The following PAG1 variants were observed in gnomAD, a reference collection of about 807,000 sequenced individuals.
PAG1 encodes the protein phosphoprotein membrane anchor with glycosphingolipid microdomains 1.
In PAG1, 23 loss-of-function variants were observed where a neutral mutation model predicts 31.7. The observed-to-expected ratio is 0.73, with a 90% confidence interval of 0.52 to 1.03. PAG1 has a LOEUF of 1.03. PAG1 is among the 50% of genes least tolerant of loss of function. PAG1 has a pLI of 0.00. For synonymous variants in PAG1, 214 were observed against 210.3 expected (o/e 1.02, Z -0.15); for missense variants, 473 against 540.7 (o/e 0.87, Z 1.24).
chr8:80,986,231 C>A (rs761935642), intron 6 of PAG1, among the ~76,000 whole-genome samples: 2 of 152,134 alleles, frequency 1.3e-5, no homozygotes, highest in Admixed American at 1.3e-4. Context: ...TCCCCCAATC[C>A]TTCTGAACTT....
At chr8:81,108,983 T>C (rs1438868450) in intron 1 of PAG1, among the ~76,000 whole-genome samples, 1 of 152,030 alleles carries the variant, frequency 6.6e-6, no homozygotes, top group Non-Finnish European at 1.5e-5. Context: ...GCCGTGGTGG[T>C]TTCCTTGACT....
At chr8:81,030,637 C>T (rs1808364370) in intron 2 of PAG1, among the ~76,000 whole-genome samples, 1 of 152,192 alleles carries the variant, frequency 6.6e-6, no homozygotes, top group African/African-American at 2.4e-5. Flanking sequence ...ACGCATTCTG[C>T]TGTGGAAATG....
chr8:81,091,240 G>A (rs544902129), intron 1 of PAG1, among the ~76,000 whole-genome samples: 24 of 152,284 alleles, frequency 1.6e-4, no homozygotes, highest in African/African-American at 5.8e-4. Flanking sequence ...AAGCATATTG[G>A]GGCACACTGA....
chr8:80,987,928 A>T (rs1319726290), intron 5 of PAG1, among the ~76,000 whole-genome samples: 1 of 152,230 alleles, frequency 6.6e-6, no homozygotes, highest in Non-Finnish European at 1.5e-5. Flanking sequence ...TTTAGATTTA[A>T]ATTAAGTAAA....
At chr8:81,005,396 G>A (rs1396809563) in intron 3 of PAG1, among the ~76,000 whole-genome samples, 2 of 152,154 alleles carry the variant, frequency 1.3e-5, no homozygotes, top group South Asian at 2.1e-4. Context: ...CAACACAGGT[G>A]GGGGAAATCA....
In PAG1 at chr8:80,968,038, A is replaced by C. The variant is rs1806999230; in HGVS notation, c.*8506T>G. On this transcript the variant is annotated 3_prime_UTR_variant, in exon 9 of 9. Transcript: ENST00000220597. ...ACATACGAAAACAAATACCCATTTC[A>C]GTTCCTCAGGTACCATTACTGGTTG... 1.3e-5 allele frequency: 2 copies of C among 152,216 alleles called. No individual in the cohort carries two copies. Among genetic ancestry groups the C allele is most frequent in the African/African-American group, 4.8e-5 (2 of 41,448 alleles). The allele number at this position is 152,216 out of a possible 1,614,324, so 9.4% of individuals were successfully genotyped here.
intron 2 of PAG1, among the ~76,000 whole-genome samples, chr8:81,056,965 A>T (rs1808834307): frequency 6.6e-6 from 1 of 152,256 alleles, no homozygotes; most frequent in Admixed American, 6.5e-5. Flanking sequence ...AGACACATGA[A>T]AAAGTGCTCA....
intron 2 of PAG1, among the ~76,000 whole-genome samples, chr8:81,051,968 A>C (rs928097544): frequency 6.6e-6 from 1 of 151,924 alleles, no homozygotes; most frequent in Admixed American, 6.6e-5. Flanking sequence ...GTCTCTACTA[A>C]AAATACAAAA....
At chr8:81,005,204 A>G (rs1389406814) in intron 3 of PAG1, among the ~76,000 whole-genome samples, 1 of 152,106 alleles carries the variant, frequency 6.6e-6, no homozygotes, top group East Asian at 1.9e-4. Flanking sequence ...GGGGGAATAG[A>G]CTTAGGGGGC....
chr8:81,093,594 A>G (rs542527143), intron 1 of PAG1, among the ~76,000 whole-genome samples: 1 of 152,156 alleles, frequency 6.6e-6, no homozygotes, highest in African/African-American at 2.4e-5. Context: ...TTGCCTTTAC[A>G]ACATGATCAT....
chr8:80,998,169 C>T (rs1201121996), intron 3 of PAG1, among the ~76,000 whole-genome samples: 10 of 146,262 alleles, frequency 6.8e-5, no homozygotes, highest in Non-Finnish European at 1.0e-4. Context: ...CTCGCTCTGT[C>T]GCTAGGCTGG....
At chr8:81,084,720 T>C (rs996987779) in intron 1 of PAG1, among the ~76,000 whole-genome samples, 1 of 152,216 alleles carries the variant, frequency 6.6e-6, no homozygotes, top group Non-Finnish European at 1.5e-5. Context: ...CTCAAAAATT[T>C]TCTTCCCAAT....
At chr8:81,044,933 A>C (rs1295350239) in intron 2 of PAG1, among the ~76,000 whole-genome samples, 1 of 152,108 alleles carries the variant, frequency 6.6e-6, no homozygotes, top group Non-Finnish European at 1.5e-5. Flanking sequence ...CTCCCCGGGC[A>C]TAACTGGCTG....
Position 80,985,200 on chromosome 8 carries a change from A to G in PAG1, c.452T>C (p.Val151Ala), listed in dbSNP as rs141799246. The part of the protein sequence containing the change: ...AVDTMLTARS[V>A]DGDQGLGMEG... ...CATCCCCAGCCCCTGGTCCCCGTCC[A>G]CACTTCTCGCCGTGAGCATGGTATC... Residue 151 changes from valine (V) to alanine (A), a missense_variant, in exon 7 of 9, where the codon GTG becomes GCG. Physicochemically the swap from Val to Ala is moderately conservative, Grantham distance 64 (BLOSUM62 0). Coordinates refer to ENST00000220597, the MANE Select transcript of PAG1 (RefSeq NM_018440.4). 3,897 of 1,613,946 alleles carry G rather than the reference A, an allele frequency of 2.4e-3. 155 individuals carry two copies. In the Admixed American group the frequency reaches 0.062, roughly 26 times the overall value.
intron 1 of PAG1, among the ~76,000 whole-genome samples, chr8:81,106,958 T>C (rs2131138153): frequency 6.6e-6 from 1 of 152,320 alleles, no homozygotes; most frequent in South Asian, 2.1e-4. Flanking sequence ...GGTTCTCCCA[T>C]GACAGTTCAC....
At chr8:81,051,960 C>T (rs948258702) in intron 2 of PAG1, among the ~76,000 whole-genome samples, 2 of 151,934 alleles carry the variant, frequency 1.3e-5, no homozygotes, top group African/African-American at 2.4e-5. Flanking sequence ...GAAACCCCGT[C>T]TCTACTAAAA....
At chr8:81,024,846 T>G (rs1219797172) in intron 3 of PAG1, among the ~76,000 whole-genome samples, 1 of 152,232 alleles carries the variant, frequency 6.6e-6, no homozygotes, top group Non-Finnish European at 1.5e-5. Flanking sequence ...ATAACTTCCC[T>G]CCTTCTTCCA....
chr8:81,076,420 A>C (rs1259211360), intron 1 of PAG1, among the ~76,000 whole-genome samples: 2 of 152,214 alleles, frequency 1.3e-5, no homozygotes, highest in Admixed American at 1.3e-4. Context: ...GCTGACGCTA[A>C]TTTAATAAGC....
At chr8:81,107,146 G>A (rs2131138929) in intron 1 of PAG1, among the ~76,000 whole-genome samples, 1 of 152,166 alleles carries the variant, frequency 6.6e-6, no homozygotes, top group South Asian at 2.1e-4. Flanking sequence ...AAGGCTTTAT[G>A]CTTCCTATTT....
Sources: gnomAD v4.1 joint callset for allele counts (sites outside exome capture counted in the v4.1 genomes callset) on GRCh38, gnomAD v4.1.1 for gene constraint, MANE v1.5 for transcripts, NCBI Gene and HGNC (gene_info 2026-07-23, HGNC 2026-07-21) for gene names.